The following SLC27A4 variants were observed in gnomAD, a reference collection of about 807,000 sequenced individuals.
SLC27A4 encodes solute carrier family 27 member 4.
A neutral mutation model predicts 64.4 loss-of-function variants in SLC27A4; 33 were observed. The ratio of observed to expected loss-of-function variants is 0.51; its 90% CI spans 0.39 to 0.68. The LOEUF (loss-of-function observed/expected upper bound fraction) is 0.68. Ranked by LOEUF, SLC27A4 falls within the 30% of genes least tolerant of loss-of-function variation. The pLI, the probability that SLC27A4 is intolerant of heterozygous loss-of-function variation, is 0.00. For missense variants in SLC27A4, 824 were observed against 883.5 expected (o/e 0.93, Z 0.85); for synonymous variants, 377 against 370.0 (o/e 1.02, Z -0.22).
At chr9:128,350,652 G>T in intron 6 of SLC27A4, 77 bp downstream of exon 6, 1 of 1,149,856 alleles carries the variant, frequency 8.7e-7, no homozygotes, top group Non-Finnish European at 1.3e-6. Context: ...GCAGTGTGCT[G>T]CAGTAGAAAC....
chr9:128,344,225 A>G (rs1420760257), intron 2 of SLC27A4, among the ~76,000 whole-genome samples: 2 of 152,252 alleles, frequency 1.3e-5, no homozygotes, highest in East Asian at 3.9e-4. Flanking sequence ...CAACAAAGGC[A>G]TGGAGTCCAG....
chr9:128,346,875 C>T (rs902888119), intron 3 of SLC27A4, among the ~76,000 whole-genome samples: 7 of 151,082 alleles, frequency 4.6e-5, no homozygotes, highest in East Asian at 2.0e-4. Flanking sequence ...CATGGTGGTG[C>T]GCACCTGTAG....
Position 128,360,424 on chromosome 9 carries a change from AG to A in SLC27A4, c.1868del (p.Gly623AlafsTer104). ...KDPLFYLDAQ[K>X]GRYVPLDQEA... ...CCGCTGTTCTATCTAGATGCCCAGA[AG>A]GGCCGCTACGTCCCGCTGGACCAAG... On this transcript the variant is annotated frameshift_variant, in exon 13 of 13. Transcript: ENST00000300456. LOFTEE classifies it high-confidence loss of function. The A allele has an allele frequency of 1.9e-6, 3 of 1,614,130 alleles. No homozygotes were observed. Among genetic ancestry groups the A allele is most frequent in the Non-Finnish European group, 2.5e-6 (3 of 1,180,022 alleles).
At chr9:128,348,725 T>C (rs1445220390) in intron 4 of SLC27A4, 22 bp downstream of exon 4, 4 of 1,609,580 alleles carry the variant, frequency 2.5e-6, no homozygotes, top group Admixed American at 1.7e-5. Context: ...CCCCTCCCCA[T>C]AGAGGGGCTC....
intron 12 of SLC27A4, among the ~76,000 whole-genome samples, chr9:128,359,371 C>A (rs1230702268): frequency 1.3e-5 from 2 of 152,136 alleles, no homozygotes; most frequent in Non-Finnish European, 2.9e-5. Context: ...CGCCTGTAAT[C>A]CCAGCACTTT....
intron 6 of SLC27A4, 80 bp from the exon 7 acceptor site, chr9:128,352,558 C>A: frequency 1.8e-6 from 2 of 1,137,920 alleles, no homozygotes; most frequent in Non-Finnish European, 2.6e-6. Context: ...GCCTGCCTGG[C>A]TGGATGGCAG....
At chr9:128,356,028 G>C (rs1444197369) in intron 12 of SLC27A4, among the ~76,000 whole-genome samples, 1 of 137,914 alleles carries the variant, frequency 7.3e-6, no homozygotes, top group African/African-American at 3.5e-5. Context: ...GATACGGCTG[G>C]TGAGCTCTGG....
chr9:128,350,924 T>C (rs1056054654), intron 6 of SLC27A4, among the ~76,000 whole-genome samples: 1 of 152,208 alleles, frequency 6.6e-6, no homozygotes, highest in Non-Finnish European at 1.5e-5. Flanking sequence ...AAACCCCGTC[T>C]CTACTAAAAG....
chr9:128,358,699 G>A (rs1005274863), intron 12 of SLC27A4, among the ~76,000 whole-genome samples: 4 of 152,170 alleles, frequency 2.6e-5, no homozygotes, highest in African/African-American at 9.7e-5. Context: ...CGCCCACCCT[G>A]GCCTCCCAAA....
intron 1 of SLC27A4, among the ~76,000 whole-genome samples, chr9:128,341,435 C>T (rs1012993366): frequency 6.6e-6 from 1 of 152,216 alleles, no homozygotes; most frequent in East Asian, 1.9e-4. Context: ...TCGCCTTCCC[C>T]TAAGCCCTAG....
intron 12 of SLC27A4, among the ~76,000 whole-genome samples, chr9:128,356,528 A>G (rs1832822687): frequency 6.6e-6 from 1 of 152,242 alleles, no homozygotes; most frequent in Non-Finnish European, 1.5e-5. Context: ...GGCCGGGCGC[A>G]GTGGCTCATG....
intron 12 of SLC27A4, among the ~76,000 whole-genome samples, chr9:128,356,286 G>C (rs1832819319): frequency 6.6e-6 from 1 of 152,162 alleles, no homozygotes; most frequent in Non-Finnish European, 1.5e-5. Flanking sequence ...ATGGCGGTGG[G>C]AGGCACTCTA....
At chr9:128,350,405 G>A (rs932220395) in intron 5 of SLC27A4, 24 bp downstream of exon 5, 1 of 1,613,376 alleles carries the variant, frequency 6.2e-7, no homozygotes, top group East Asian at 2.2e-5. Context: ...GCCCAGGGTG[G>A]GGTAGGCACA....
chr9:128,348,032 G>A (rs1203085646), intron 3 of SLC27A4, among the ~76,000 whole-genome samples: 1 of 152,284 alleles, frequency 6.6e-6, no homozygotes, highest in African/African-American at 2.4e-5. Flanking sequence ...CGGGGGTGGG[G>A]GTTATGTGAT....
chr9:128,341,442 C>T (rs1466543493), intron 1 of SLC27A4, among the ~76,000 whole-genome samples: 3 of 152,206 alleles, frequency 2.0e-5, no homozygotes, highest in Admixed American at 6.5e-5. Flanking sequence ...CCCCTAAGCC[C>T]TAGACCCCAA....
chr9:128,353,016 C>T lies in SLC27A4; in HGVS notation c.988-9C>T, dbSNP rs776490279. The T allele has an allele frequency of 6.2e-7, 1 of 1,610,588 alleles. No homozygotes were observed. The highest frequency in any genetic ancestry group is 8.5e-7 in the Non-Finnish European group (1 of 1,177,910). On this transcript the variant is annotated splice_polypyrimidine_tract_variant and intron_variant, in intron 7 of 12. Coordinates refer to ENST00000300456, the MANE Select transcript of SLC27A4 (RefSeq NM_005094.4). The surrounding 1 kb of genome is among the most constrained non-coding windows in gnomAD (Gnocchi z 4.9). ...CTGGAGCCTCGAATCACACCAAGTT[C>T]ACCCCCAGATTGTGCAGTACATTGG...
In SLC27A4 at chr9:128,355,130, G is replaced by A. The variant is rs771361561; in HGVS notation, c.1402G>A (p.Ala468Thr). The stretch of plus-strand genomic sequence containing the variant: ...CTTCGATGGCTACCTCAACCAGGGC[G>A]CCAACAACAAGAAGATTGCCAAGGA... ...RRFDGYLNQG[A>T]NNKKIAKDVF... Residue 468 changes from alanine to threonine, a missense_variant, in exon 10 of 13, where the codon GCC becomes ACC. Ala to Thr is a moderately conservative substitution (Grantham distance 58). Coordinates refer to ENST00000300456, the MANE Select transcript of SLC27A4 (RefSeq NM_005094.4). The A allele has an allele frequency of 3.1e-6, 5 of 1,613,588 alleles. No individual in the cohort carries two copies. In the East Asian group the frequency reaches 6.7e-5, roughly 22 times the overall value.
chr9:128,360,526 G>T lies in SLC27A4; in HGVS notation c.*35G>T. On this transcript the variant is annotated 3_prime_UTR_variant, in exon 13 of 13. Coordinates refer to ENST00000300456, the MANE Select transcript of SLC27A4 (RefSeq NM_005094.4). ...TCCCTCTGAGGGCCGGCGGATGCTG[G>T]ATCCGGAGCCCCAGGTTCCGCCCCA... The T allele has an allele frequency of 6.2e-7, 1 of 1,611,536 alleles. No homozygotes were observed. Among genetic ancestry groups the T allele is most frequent in the Non-Finnish European group, 8.5e-7 (1 of 1,179,374 alleles).
chr9:128,360,221 C>A, intron 12 of SLC27A4, 113 bp from the exon 13 acceptor site: 2 of 1,201,752 alleles, frequency 1.7e-6, no homozygotes, highest in Non-Finnish European at 2.5e-6. Context: ...TCCCCCACTT[C>A]CCTCCCCTGT....
Sources: allele counts gnomAD v4.1 joint callset (sites outside exome capture counted in the v4.1 genomes callset), GRCh38; gene constraint gnomAD v4.1.1; non-coding constraint Gnocchi (gnomAD v3.1); transcripts MANE v1.5; gene names NCBI Gene and HGNC (gene_info 2026-07-23, HGNC 2026-07-21).